The following BTRC variants were observed in gnomAD, a reference collection of about 807,000 sequenced individuals.
The protein encoded by BTRC is beta-transducin repeat containing E3 ubiquitin protein ligase, also known as F-box/WD repeat-containing protein 1A.
BTRC carries 42 observed loss-of-function variants against 85.5 expected under a neutral mutation model. That is an observed-to-expected ratio of 0.49 (90% CI 0.38 to 0.64). The LOEUF (loss-of-function observed/expected upper bound fraction) is 0.64. Ranked by LOEUF, BTRC falls within the 30% of genes least tolerant of loss-of-function variation. The probability of loss-of-function intolerance (pLI) is 0.00; values close to 1 mark genes in which losing one functional copy is unlikely to be tolerated. For missense variants in BTRC, 594 were observed against 743.5 expected (o/e 0.80, Z 2.34); for synonymous variants, 255 against 263.3 (o/e 0.97, Z 0.30).
At chr10:101,392,073 G>A (rs375193086) in intron 1 of BTRC, among the ~76,000 whole-genome samples, 13 of 151,992 alleles carry the variant, frequency 8.6e-5, no homozygotes, top group Admixed American at 7.2e-4. Context: ...TCTGCCTCCC[G>A]GGTTCAAGTG....
chr10:101,415,036 T>G (rs1386720639), intron 1 of BTRC, among the ~76,000 whole-genome samples: 2 of 128,886 alleles, frequency 1.6e-5, no homozygotes, highest in Non-Finnish European at 3.1e-5. Flanking sequence ...ATCTTAACCA[T>G]TATAAAGTCT....
chr10:101,424,163 G>T lies in BTRC; in HGVS notation c.49-6182G>T, dbSNP rs555417196. On this transcript the variant is annotated intron_variant, in intron 1 of 14. Coordinates refer to ENST00000370187, the MANE Select transcript of BTRC (RefSeq NM_033637.4). ...TCAGGAAAATCACTTGAACCTGGGA[G>T]GCGGAGGTTGCAGTGAGCCGAGATC... Among the ~76,000 whole-genome samples the T allele has an allele frequency of 2.0e-5, 3 of 152,256 alleles. No homozygotes were observed. In the East Asian group the frequency reaches 5.8e-4, roughly 29 times the overall value.
intron 1 of BTRC, among the ~76,000 whole-genome samples, chr10:101,359,985 C>T (rs1202172557): frequency 2.6e-5 from 4 of 152,150 alleles, no homozygotes; most frequent in Admixed American, 1.3e-4. Flanking sequence ...AGTAAAAATT[C>T]AACTTTGAGT....
intron 3 of BTRC, among the ~76,000 whole-genome samples, chr10:101,473,386 G>A (rs1193572258): frequency 1.3e-5 from 2 of 150,766 alleles, no homozygotes; most frequent in African/African-American, 4.9e-5. Flanking sequence ...CTGGGCTCAA[G>A]CAACCGCCCA....
In BTRC at chr10:101,554,659, A is replaced by G. The variant is rs1206357375; in HGVS notation, c.*1536A>G. On this transcript the variant is annotated 3_prime_UTR_variant, in exon 15 of 15. Coordinates refer to ENST00000370187, the MANE Select transcript of BTRC (RefSeq NM_033637.4). ...TTTTGCTCTTCACTCTCCCCAGCCA[A>G]TAAAGCGTCTGTGGCGATTGGTGAA... 4 of 152,598 alleles carry G rather than the reference A, an allele frequency of 2.6e-5. No homozygotes were observed. The highest frequency in any genetic ancestry group is 9.7e-5 in the African/African-American group (4 of 41,434). The allele number at this position is 152,598 out of a possible 1,614,324, so 9.5% of individuals were successfully genotyped here.
At chr10:101,393,291 TAAG>T in intron 1 of BTRC, among the ~76,000 whole-genome samples, 1 of 152,140 alleles carries the variant, frequency 6.6e-6, no homozygotes, top group Non-Finnish European at 1.5e-5. Context: ...CCAGCAGATA[TAAG>T]TAAGTGTTTC....
chr10:101,537,408 A>G (rs566557910), intron 12 of BTRC, among the ~76,000 whole-genome samples: 1 of 152,282 alleles, frequency 6.6e-6, no homozygotes, highest in South Asian at 2.1e-4. Flanking sequence ...GGCGCCTGTA[A>G]TCCCAGCTAC....
At chr10:101,387,770 A>G (rs1943123819) in intron 1 of BTRC, among the ~76,000 whole-genome samples, 1 of 151,664 alleles carries the variant, frequency 6.6e-6, no homozygotes, top group East Asian at 1.9e-4. Flanking sequence ...GCTTACTGCA[A>G]ACTCTGCCTC....
intron 5 of BTRC, 108 bp from the exon 6 acceptor site, chr10:101,525,905 T>G (rs920553635): frequency 1.1e-5 from 12 of 1,065,752 alleles, no homozygotes; most frequent in Admixed American, 9.6e-5. Flanking sequence ...GGGACAATGA[T>G]GTGCCTTCAT....
At chr10:101,471,395 T>C (rs1383277819) in intron 3 of BTRC, among the ~76,000 whole-genome samples, 2 of 152,102 alleles carry the variant, frequency 1.3e-5, no homozygotes, top group Non-Finnish European at 2.9e-5. Context: ...TCTCCAAAAA[T>C]AGACAGACAG....
chr10:101,438,751 G>A (rs1278920488), intron 2 of BTRC, among the ~76,000 whole-genome samples: 3 of 152,070 alleles, frequency 2.0e-5, no homozygotes, highest in African/African-American at 4.8e-5. Context: ...TTTTTAAAAA[G>A]CAGGTCATTA....
intron 3 of BTRC, among the ~76,000 whole-genome samples, chr10:101,470,729 G>A (rs1289265018): frequency 2.0e-5 from 3 of 152,206 alleles, no homozygotes; most frequent in Admixed American, 2.0e-4. Flanking sequence ...TCTTCTGGGA[G>A]CTTTATAAGT....
intron 4 of BTRC, among the ~76,000 whole-genome samples, chr10:101,510,230 C>T (rs1000032919): frequency 5.3e-5 from 8 of 151,936 alleles, no homozygotes; most frequent in African/African-American, 1.9e-4. Context: ...TATTTTTGGC[C>T]GGGTGCAGTG....
intron 1 of BTRC, among the ~76,000 whole-genome samples, chr10:101,379,939 G>C (rs914925095): frequency 1.3e-5 from 2 of 152,076 alleles, no homozygotes; most frequent in Non-Finnish European, 2.9e-5. Flanking sequence ...TTTGATCCTT[G>C]TTTTCAAAGG....
chr10:101,366,076 G>A (rs1023706723), intron 1 of BTRC, among the ~76,000 whole-genome samples: 2 of 152,034 alleles, frequency 1.3e-5, no homozygotes, highest in Non-Finnish European at 1.5e-5. Flanking sequence ...GTAAGGGGTT[G>A]TCAATTTACA....
chr10:101,552,976 C>A (rs914272563), intron 14 of BTRC, among the ~76,000 whole-genome samples, 179 bp from the exon 15 acceptor site: 1 of 152,188 alleles, frequency 6.6e-6, no homozygotes, highest in African/African-American at 2.4e-5. Context: ...GTATAACTTC[C>A]CCCATCAGGC....
intron 1 of BTRC, among the ~76,000 whole-genome samples, chr10:101,360,263 C>T (rs963736309): frequency 3.3e-5 from 5 of 151,964 alleles, no homozygotes; most frequent in South Asian, 2.1e-4. Context: ...CCGTGTTGCC[C>T]GGGCTGGTCT....
chr10:101,407,539 C>T (rs1193889795), intron 1 of BTRC, among the ~76,000 whole-genome samples: 1 of 151,358 alleles, frequency 6.6e-6, no homozygotes, highest in Non-Finnish European at 1.5e-5. Context: ...TACAGGTATG[C>T]GCCACTACAC....
At chr10:101,499,568 A>G (rs545884503) in intron 4 of BTRC, among the ~76,000 whole-genome samples, 1 of 151,660 alleles carries the variant, frequency 6.6e-6, no homozygotes, top group Non-Finnish European at 1.5e-5. Flanking sequence ...GTATCTTACC[A>G]CCTCCATAAA....
Sources: gnomAD v4.1 joint callset for allele counts (sites outside exome capture counted in the v4.1 genomes callset) on GRCh38, gnomAD v4.1.1 for gene constraint, MANE v1.5 for transcripts, NCBI Gene and HGNC (gene_info 2026-07-23, HGNC 2026-07-21) for gene names.